Variants in RUNX1 observed in about 807,000 individuals in gnomAD.
RUNX1 encodes runt-related transcription factor 1.
In RUNX1, 19 loss-of-function variants were observed where a neutral mutation model predicts 42.8. That is an observed-to-expected ratio of 0.44 (90% CI 0.31 to 0.65). The LOEUF (loss-of-function observed/expected upper bound fraction) is 0.65. RUNX1 is among the 30% of genes least tolerant of loss of function. The pLI, the probability that RUNX1 is intolerant of heterozygous loss-of-function variation, is 0.07. For synonymous variants in RUNX1, 271 were observed against 289.4 expected, an observed-to-expected ratio of 0.94 and a Z score of 0.64; for missense variants, 528 against 672.0, an observed-to-expected ratio of 0.79 and a Z score of 2.37.
In RUNX1 at chr21:35,046,082, G is replaced by A. The variant is rs182585042; in HGVS notation, c.58+2760C>T. ...CACTGCACTTTTCAAGGGAACCCAA[G>A]TTTGGGTTCGGCAAGAATTGTACGT... is the stretch of plus-strand genomic sequence containing the variant. On this transcript the variant is annotated intron_variant, in intron 2 of 8. Transcript: ENST00000675419. 5.1e-4 allele frequency among the ~76,000 whole-genome samples: 78 copies of A among 152,338 alleles called. 1 individual carries two copies. Among genetic ancestry groups the A allele is most frequent in the Non-Finnish European group, 9.1e-4 (62 of 68,038 alleles).
rs181869018 is a variant in RUNX1 at position 34,839,537 on chromosome 21, T to C, written c.614-4936A>G. Among the ~76,000 whole-genome samples the C allele has an allele frequency of 5.2e-3, 799 of 152,346 alleles. 4 individuals are homozygous for C. Among genetic ancestry groups the C allele is most frequent in the African/African-American group, 0.017 (723 of 41,578 alleles). On this transcript the variant is annotated intron_variant, in intron 6 of 8. Transcript: ENST00000675419. ...CAGAGACACGAAAGCACTTGAACTT[T>C]TGCATTCTGCCTCAACCATCTCACT...
intron 2 of RUNX1, among the ~76,000 whole-genome samples, chr21:35,046,106 G>A (rs9978265): frequency 0.054 from 8,166 of 152,272 alleles, 256 homozygotes; most frequent in Non-Finnish European, 0.084. Flanking sequence ...AGAATTGTAC[G>A]TTGCACACCG....
At chr21:35,022,328 G>A (rs2059204623) in intron 2 of RUNX1, among the ~76,000 whole-genome samples, 1 of 152,220 alleles carries the variant, frequency 6.6e-6, no homozygotes, top group South Asian at 2.1e-4. Flanking sequence ...TCTTACTCTT[G>A]ATGGAGTCCG....
chr21:34,885,803 C>T (rs2057976122), intron 4 of RUNX1, among the ~76,000 whole-genome samples: 1 of 152,098 alleles, frequency 6.6e-6, no homozygotes, highest in South Asian at 2.1e-4. Context: ...CTTGATTCGC[C>T]CTTTAAACGA....
At chr21:34,905,431 C>T (rs1437575948) in intron 2 of RUNX1, among the ~76,000 whole-genome samples, 6 of 152,110 alleles carry the variant, frequency 3.9e-5, no homozygotes, top group African/African-American at 1.4e-4. Flanking sequence ...AAGGAAATAA[C>T]GTTATTATGT....
intron 2 of RUNX1, among the ~76,000 whole-genome samples, chr21:34,918,993 A>G (rs772872612): frequency 3.3e-5 from 5 of 152,364 alleles, no homozygotes; most frequent in East Asian, 1.9e-4. Context: ...AATGTTTAGT[A>G]TATGCCAGAC....
At chr21:34,883,964 G>C (rs776149848) in intron 4 of RUNX1, among the ~76,000 whole-genome samples, 2 of 152,202 alleles carry the variant, frequency 1.3e-5, no homozygotes, top group African/African-American at 4.8e-5. Context: ...TTTATGAAAA[G>C]AATATTACCA....
intron 2 of RUNX1, among the ~76,000 whole-genome samples, chr21:34,993,143 C>G (rs866793734): frequency 1.3e-5 from 2 of 152,338 alleles, no homozygotes; most frequent in Middle Eastern, 3.4e-3. Flanking sequence ...TCTAGGGTGA[C>G]TGCTTTGAGG....
chr21:34,928,601 T>C (rs545556439), intron 2 of RUNX1, among the ~76,000 whole-genome samples: 21 of 150,990 alleles, frequency 1.4e-4, no homozygotes, highest in Non-Finnish European at 2.2e-4. Flanking sequence ...GAATCGCTTG[T>C]AACCAGAGGT....
At chr21:34,965,505 C>CACGA (rs1449797848) in intron 2 of RUNX1, among the ~76,000 whole-genome samples, 1 of 117,570 alleles carries the variant, frequency 8.5e-6, no homozygotes, top group Non-Finnish European at 2.0e-5. Context: ...GAATTTGAAA[C>CACGA]AAAAGAAAAA....
intron 5 of RUNX1, among the ~76,000 whole-genome samples, chr21:34,862,105 T>C (rs1213926099): frequency 1.3e-5 from 2 of 151,014 alleles, no homozygotes; most frequent in Admixed American, 6.6e-5. Flanking sequence ...TAGGGGTGCA[T>C]GTGGGTGTAT....
chr21:35,012,444 G>C (rs1367482820), intron 2 of RUNX1, among the ~76,000 whole-genome samples: 1 of 152,180 alleles, frequency 6.6e-6, no homozygotes, highest in Non-Finnish European at 1.5e-5. Context: ...TCTGAGCCAT[G>C]ATAAATTAAT....
At chr21:34,986,196 C>T (rs931046101) in intron 2 of RUNX1, among the ~76,000 whole-genome samples, 2 of 151,938 alleles carry the variant, frequency 1.3e-5, no homozygotes, top group African/African-American at 2.4e-5. Flanking sequence ...TCATTTATGT[C>T]CCTAGATACT....
chr21:34,792,013 C>G lies in RUNX1; in HGVS notation c.*122G>C. ...GATCCTGGCCGTCGGGCGCCCTCGG[C>G]CCCAGGACGGTGGCCGGGCCCAGGG... On this transcript the variant is annotated 3_prime_UTR_variant, in exon 9 of 9. Coordinates refer to ENST00000675419, the MANE Select transcript of RUNX1 (RefSeq NM_001754.5). This position sits in a 1 kb window ranked among gnomAD's most constrained non-coding sequence, Gnocchi z 6.9. 1 of 597,724 alleles carries G rather than the reference C, an allele frequency of 1.7e-6. No homozygotes were observed. Among genetic ancestry groups the G allele is most frequent in the South Asian group, 2.1e-5 (1 of 47,116 alleles). 37.0% of individuals were successfully genotyped at this position (597,724 alleles called of 1,614,324 possible).
intron 6 of RUNX1, among the ~76,000 whole-genome samples, chr21:34,855,245 C>T (rs1255472357): frequency 1.3e-5 from 2 of 152,100 alleles, no homozygotes; most frequent in African/African-American, 2.4e-5. Flanking sequence ...AAATATCTTC[C>T]TCCATGGCAT....
intron 5 of RUNX1, among the ~76,000 whole-genome samples, chr21:34,864,462 T>C (rs926461672): frequency 2.0e-5 from 3 of 152,088 alleles, no homozygotes; most frequent in Non-Finnish European, 4.4e-5. Flanking sequence ...AGAGGGCCGG[T>C]GTTTCTGTTG....
chr21:35,012,871 T>C (rs2059135602), intron 2 of RUNX1, among the ~76,000 whole-genome samples: 1 of 152,116 alleles, frequency 6.6e-6, no homozygotes. Context: ...TGTCAGACAA[T>C]AAATATTTTA....
chr21:34,890,333 C>A (rs1172917444), intron 3 of RUNX1, among the ~76,000 whole-genome samples: 1 of 152,064 alleles, frequency 6.6e-6, no homozygotes, highest in African/African-American at 2.4e-5. Flanking sequence ...AACTAGCGTT[C>A]GAGGATAAAA....
At chr21:34,887,689 T>C in intron 3 of RUNX1, 1 of 1,066,860 alleles carries the variant, frequency 9.4e-7, no homozygotes, top group Non-Finnish European at 1.1e-6. Context: ...CTAATGTATG[T>C]GCACGTATAT....
Sources: allele counts gnomAD v4.1 joint callset (sites outside exome capture counted in the v4.1 genomes callset), GRCh38; gene constraint gnomAD v4.1.1; non-coding constraint Gnocchi (gnomAD v3.1); transcripts MANE v1.5; gene names NCBI Gene and HGNC (gene_info 2026-07-23, HGNC 2026-07-21).